FBXO10: variants seen among roughly 807,000 people sequenced by gnomAD.
FBXO10 encodes F-box only protein 10.
FBXO10 carries 39 observed loss-of-function variants against 80.7 expected under a neutral mutation model. The observed-to-expected ratio is 0.48, with a 90% confidence interval of 0.37 to 0.63. FBXO10 has a LOEUF of 0.63. Among genes scored for constraint, FBXO10 ranks in the 30% least tolerant of loss-of-function variants. The pLI is 0.00. For missense variants in FBXO10, 1,025 were observed against 1,269.0 expected, an observed-to-expected ratio of 0.81 and a Z score of 2.92; for synonymous variants, 449 against 489.6, an observed-to-expected ratio of 0.92 and a Z score of 1.09.
At chr9:37,532,326 G>A (rs1219716533) in intron 3 of FBXO10, among the ~76,000 whole-genome samples, 13 of 145,334 alleles carry the variant, frequency 8.9e-5, no homozygotes, top group African/African-American at 3.1e-4. Flanking sequence ...TTTGAGACAG[G>A]GTCTTGCTCT....
Position 37,517,715 on chromosome 9 carries a change from G to A in FBXO10, c.2514+410C>T, listed in dbSNP as rs541358475. Among the ~76,000 whole-genome samples, 21 of 152,336 alleles carry A rather than the reference G, an allele frequency of 1.4e-4. No individual in the cohort carries two copies. The South Asian group carries it at 3.5e-3, about 26-fold the overall frequency. ...GGAGGTATGCAGGGTATATAGGGAA[G>A]AGTGTATGCAAAGGCCCCAAGGCAG... On this transcript the variant is annotated intron_variant, in intron 9 of 10. Coordinates refer to ENST00000432825, the MANE Select transcript of FBXO10 (RefSeq NM_012166.3).
chr9:37,515,477 C>G (rs4878154), intron 10 of FBXO10: 154,616 of 154,722 alleles, frequency 1, 77,255 homozygotes, highest in Non-Finnish European at 1. Context: ...AAAGGACAGA[C>G]AGGTTTGAGG....
At chr9:37,548,938 C>T (rs999168715) in intron 1 of FBXO10, among the ~76,000 whole-genome samples, 7 of 152,046 alleles carry the variant, frequency 4.6e-5, no homozygotes, top group East Asian at 3.9e-4. Flanking sequence ...TTAGTACAGA[C>T]GGGGTTTCAC....
intron 6 of FBXO10, among the ~76,000 whole-genome samples, chr9:37,524,214 CCTT>C (rs1184965945): frequency 6.6e-6 from 1 of 152,240 alleles, no homozygotes. Flanking sequence ...TTCCTTGTCA[CCTT>C]CTCAGAGGGC....
rs1167558296 is a variant in FBXO10, at chr9:37,512,083, G to A, written c.*464C>T. 6.6e-6 allele frequency: 1 copy of A among 152,456 alleles called. No individual in the cohort carries two copies. The highest frequency in any genetic ancestry group is 1.5e-5 in the Non-Finnish European group (1 of 68,260). The allele number at this position is 152,456 out of a possible 1,614,324, so 9.4% of individuals were successfully genotyped here. On this transcript the variant is annotated 3_prime_UTR_variant, in exon 11 of 11. Transcript: ENST00000432825. ...AGAGACAGCTGGGAGGGTGTGGTGG[G>A]GTCCCTGGAGGGATTGAGAGGGAGA...
At chr9:37,551,240 G>C (rs1822190998) in intron 1 of FBXO10, among the ~76,000 whole-genome samples, 1 of 152,226 alleles carries the variant, frequency 6.6e-6, no homozygotes, top group African/African-American at 2.4e-5. Flanking sequence ...GCCCTGGAAA[G>C]CCCTGCCTCC....
Position 37,520,509 on chromosome 9 carries a change from A to G in FBXO10, c.2200+1060T>C, listed in dbSNP as rs1272623655. 7.9e-5 allele frequency among the ~76,000 whole-genome samples: 9 copies of G among 113,450 alleles called. No homozygotes were observed. In the South Asian group the frequency reaches 2.3e-3, roughly 29 times the overall value. 74.4% of individuals were successfully genotyped at this position (113,450 alleles called of 152,430 possible). ...AGATCCAACTAATTTTTCTTTCTCT[A>G]CTCCTTCTTCTTCTTTTTTTTTTTT... On this transcript the variant is annotated intron_variant, in intron 8 of 10. Coordinates refer to ENST00000432825, the MANE Select transcript of FBXO10 (RefSeq NM_012166.3).
chr9:37,571,714 CATATATATATATATATATATAT>C (rs71494672), intron 1 of FBXO10, among the ~76,000 whole-genome samples: 20 of 93,160 alleles, frequency 2.1e-4, no homozygotes, highest in East Asian at 7.9e-4. Context: ...AAAAGAGAGC[CATATATATATATATATATATAT>C]ATATATATAT....
intron 6 of FBXO10, among the ~76,000 whole-genome samples, chr9:37,523,511 C>G (rs1024674110): frequency 6.6e-6 from 1 of 152,038 alleles, no homozygotes; most frequent in African/African-American, 2.4e-5. Flanking sequence ...TATAATCGAG[C>G]CACTGCACTC....
intron 10 of FBXO10, 144 bp from the exon 11 acceptor site, chr9:37,512,865 T>A: frequency 1.2e-6 from 1 of 844,556 alleles, no homozygotes; most frequent in Non-Finnish European, 1.8e-6. Context: ...AGTTTAGTGT[T>A]AGTCCAAAGA....
chr9:37,550,169 G>GTTTTTTTTTTTTTT lies in FBXO10; in HGVS notation c.-6-8409_-6-8396dup, dbSNP rs74171511. Among the ~76,000 whole-genome samples the GTTTTTTTTTTTTTT allele has an allele frequency of 4.6e-4, 31 of 68,000 alleles. 7 individuals are homozygous for GTTTTTTTTTTTTTT. The highest frequency in any genetic ancestry group is 7.6e-4 in the East Asian group (1 of 1,310). The allele number at this position is 68,000 out of a possible 152,430, so 44.6% of individuals were successfully genotyped here. On this transcript the variant is annotated intron_variant, in intron 1 of 10. Transcript: ENST00000432825. ...CAGTTTTCTTTTTTTGTCGTCTCAG[G>GTTTTTTTTTTTTTT]TTTTTTTTTTTTTTTTTTTTTTTTT...
chr9:37,552,181 C>T (rs1174886967), intron 1 of FBXO10, among the ~76,000 whole-genome samples: 1 of 152,232 alleles, frequency 6.6e-6, no homozygotes, highest in South Asian at 2.1e-4. Context: ...TGGCCAGAAC[C>T]ACCCTTAATG....
At chr9:37,521,257 G>A (rs1187602006) in intron 8 of FBXO10, among the ~76,000 whole-genome samples, 3 of 152,134 alleles carry the variant, frequency 2.0e-5, no homozygotes, top group South Asian at 2.1e-4. Flanking sequence ...CCTCTGCTCG[G>A]CCGCCCCACC....
At chr9:37,520,522 CTTTT>C (rs1191753429) in intron 8 of FBXO10, among the ~76,000 whole-genome samples, 1 of 83,416 alleles carries the variant, frequency 1.2e-5, no homozygotes, top group Non-Finnish European at 2.2e-5. Context: ...CCTTCTTCTT[CTTTT>C]TTTTTTTTTT....
chr9:37,524,337 TTTTA>T (rs1424737447), intron 6 of FBXO10, among the ~76,000 whole-genome samples: 7 of 152,244 alleles, frequency 4.6e-5, no homozygotes, highest in African/African-American at 1.4e-4. Flanking sequence ...ATACGTAGGC[TTTTA>T]TTTATTTATT....
chr9:37,571,517 C>T (rs913114292), intron 1 of FBXO10, among the ~76,000 whole-genome samples: 10 of 151,772 alleles, frequency 6.6e-5, no homozygotes, highest in Non-Finnish European at 1.5e-4. Flanking sequence ...GAACAACTCA[C>T]AGATGTCCCT....
In FBXO10 at chr9:37,546,243, TAAG is replaced by T. The variant is rs1219823357; in HGVS notation, c.-6-4472_-6-4470del. ...TCTGAGGCACTTTCTTACTATGGTG[TAAG>T]AAGATGGTGCCCAAGCAGAGTGGCA... On this transcript the variant is annotated intron_variant, in intron 1 of 10. Transcript: ENST00000432825. 3.3e-5 allele frequency among the ~76,000 whole-genome samples: 5 copies of T among 151,882 alleles called. No individual in the cohort carries two copies. In the East Asian group the frequency reaches 9.7e-4, roughly 29 times the overall value.
At chr9:37,557,194 T>G (rs16934282) in intron 1 of FBXO10, among the ~76,000 whole-genome samples, 24,920 of 152,220 alleles carry the variant, frequency 0.16, 2,463 homozygotes, top group East Asian at 0.24. Flanking sequence ...GATTTATGAT[T>G]ACTTACAATT....
At chr9:37,559,056 G>A (rs1015673536) in intron 1 of FBXO10, among the ~76,000 whole-genome samples, 2 of 152,080 alleles carry the variant, frequency 1.3e-5, no homozygotes, top group Non-Finnish European at 2.9e-5. Context: ...TGATCCGCCC[G>A]CCTCGGCCTC....
Sources: gnomAD v4.1 joint callset for allele counts (sites outside exome capture counted in the v4.1 genomes callset) on GRCh38, gnomAD v4.1.1 for gene constraint, MANE v1.5 for transcripts, NCBI Gene and HGNC (gene_info 2026-07-23, HGNC 2026-07-21) for gene names.